Variants in TANGO6 observed in about 807,000 individuals in gnomAD.
TANGO6 encodes the protein transport and Golgi organization protein 6 homolog.
In TANGO6, 90 loss-of-function variants were observed where a neutral mutation model predicts 114.2. The ratio of observed to expected loss-of-function variants is 0.79; its 90% CI spans 0.66 to 0.94. The LOEUF (loss-of-function observed/expected upper bound fraction) is 0.94, where lower values mean the gene tolerates loss of function less well. Ranked by LOEUF, TANGO6 falls within the 40% of genes least tolerant of loss-of-function variation. The probability of loss-of-function intolerance (pLI) is 0.00; values close to 1 mark genes in which losing one functional copy is unlikely to be tolerated. For synonymous variants in TANGO6, 477 were observed against 509.8 expected (o/e 0.94, Z 0.87); for missense variants, 1,274 against 1,315.3 (o/e 0.97, Z 0.49).
intron 7 of TANGO6, among the ~76,000 whole-genome samples, chr16:68,882,297 C>G (rs1190769268): frequency 6.6e-6 from 1 of 151,884 alleles, no homozygotes; most frequent in Non-Finnish European, 1.5e-5. Flanking sequence ...GAGATTGAGA[C>G]CATCCTGGCT....
At chr16:68,858,066 T>C (rs1392639203) in intron 1 of TANGO6, among the ~76,000 whole-genome samples, 3 of 95,562 alleles carry the variant, frequency 3.1e-5, no homozygotes, top group Non-Finnish European at 7.1e-5. Context: ...TCTCGGAAGA[T>C]TTTTTTTTTT....
chr16:68,864,118 G>A (rs544824914), intron 3 of TANGO6, among the ~76,000 whole-genome samples: 60 of 151,616 alleles, frequency 4.0e-4, no homozygotes, highest in African/African-American at 1.3e-3. Context: ...AGGTTGCAGC[G>A]AGATGAGATC....
At chr16:69,036,377 C>T (rs530465297) in intron 16 of TANGO6, among the ~76,000 whole-genome samples, 2 of 152,226 alleles carry the variant, frequency 1.3e-5, no homozygotes, top group South Asian at 4.1e-4. Context: ...ATCCGTAAGA[C>T]CATATTAAAA....
At chr16:68,870,013 G>A (rs576095416) in intron 4 of TANGO6, among the ~76,000 whole-genome samples, 26 of 152,246 alleles carry the variant, frequency 1.7e-4, no homozygotes, top group Non-Finnish European at 3.5e-4. Flanking sequence ...AGGGAGATGC[G>A]AAACGATTAA....
chr16:69,022,698 T>C, intron 15 of TANGO6, 130 bp from the exon 16 acceptor site: 1 of 1,019,736 alleles, frequency 9.8e-7, no homozygotes, highest in Non-Finnish European at 1.4e-6. Flanking sequence ...AGCAAGACCC[T>C]GTCTCAAAAA....
At chr16:68,919,766 C>T (rs181472724) in intron 12 of TANGO6, among the ~76,000 whole-genome samples, 37 of 152,182 alleles carry the variant, frequency 2.4e-4, no homozygotes, top group African/African-American at 6.7e-4. Context: ...TGGCCGGGTG[C>T]GGTGGCTCAC....
intron 2 of TANGO6, among the ~76,000 whole-genome samples, chr16:68,861,752 G>T (rs768593371): frequency 6.6e-5 from 10 of 152,152 alleles, no homozygotes; most frequent in Non-Finnish European, 1.5e-4. Context: ...CCCACCAATA[G>T]CTGTGTTCTA....
At chr16:69,040,455 A>G in intron 17 of TANGO6, 34 bp downstream of exon 17, 1 of 1,512,876 alleles carries the variant, frequency 6.6e-7, no homozygotes, top group East Asian at 2.4e-5. Context: ...CAATTTCTCC[A>G]CCTCTTTTAT....
At chr16:68,955,419 AC>A (rs1031654395) in intron 14 of TANGO6, among the ~76,000 whole-genome samples, 1 of 152,214 alleles carries the variant, frequency 6.6e-6, no homozygotes, top group Non-Finnish European at 1.5e-5. Context: ...CAGGGGACAT[AC>A]AAGGAAAATG....
At chr16:68,946,440 C>T (rs1963415427) in intron 14 of TANGO6, among the ~76,000 whole-genome samples, 1 of 152,078 alleles carries the variant, frequency 6.6e-6, no homozygotes, top group South Asian at 2.1e-4. Flanking sequence ...GTGATCCGCC[C>T]ACCTCGGCCT....
At chr16:68,900,239 C>T in intron 7 of TANGO6, 195 bp from the exon 8 acceptor site, 1 of 578,384 alleles carries the variant, frequency 1.7e-6, no homozygotes, top group Non-Finnish European at 3.1e-6. Context: ...CTCCAGTTCA[C>T]TGTCTTGTTT....
At chr16:68,963,018 C>T (rs1413583699) in intron 14 of TANGO6, among the ~76,000 whole-genome samples, 1 of 147,194 alleles carries the variant, frequency 6.8e-6, no homozygotes, top group African/African-American at 2.5e-5. Flanking sequence ...GCCATGAACC[C>T]GGGAGGCAGA....
intron 15 of TANGO6, among the ~76,000 whole-genome samples, chr16:69,018,604 A>G (rs887129230): frequency 2.6e-5 from 4 of 151,144 alleles, no homozygotes; most frequent in African/African-American, 9.7e-5. Context: ...TTTCCTATGC[A>G]TTTGAATATT....
chr16:68,933,041 C>T (rs142606685), intron 14 of TANGO6, among the ~76,000 whole-genome samples: 2,812 of 152,284 alleles, frequency 0.018, 40 homozygotes, highest in Middle Eastern at 0.048. Flanking sequence ...ATTACGTCTA[C>T]TGTTGGATGA....
At chr16:68,938,816 A>G (rs938216168) in intron 14 of TANGO6, among the ~76,000 whole-genome samples, 4 of 152,078 alleles carry the variant, frequency 2.6e-5, no homozygotes, top group Admixed American at 1.3e-4. Flanking sequence ...ATCAAGTTCT[A>G]TCTTAACAGT....
At chr16:69,067,063 A>C (rs921035375) in intron 17 of TANGO6, among the ~76,000 whole-genome samples, 1 of 152,018 alleles carries the variant, frequency 6.6e-6, no homozygotes, top group Non-Finnish European at 1.5e-5. Flanking sequence ...TGCCCGACTA[A>C]TTCTATTATT....
chr16:68,872,542 TC>T (rs1962289197), intron 4 of TANGO6, among the ~76,000 whole-genome samples: 1 of 151,860 alleles, frequency 6.6e-6, no homozygotes, highest in African/African-American at 2.4e-5. Flanking sequence ...CCTCAGGTGA[TC>T]CGCCCGCCTT....
intron 17 of TANGO6, 124 bp downstream of exon 17, chr16:69,040,545 C>T (rs1302321038): frequency 4.0e-6 from 3 of 757,456 alleles, no homozygotes; most frequent in African/African-American, 1.8e-5. Context: ...ATGAATCCAT[C>T]AACAGGGATT....
At chr16:68,883,666 A>G (rs547352377) in intron 7 of TANGO6, among the ~76,000 whole-genome samples, 22 of 152,270 alleles carry the variant, frequency 1.4e-4, no homozygotes, top group African/African-American at 5.1e-4. Context: ...TCTCTTTGGT[A>G]TATACCTAGG....
Sources: gnomAD v4.1 joint callset for allele counts (sites outside exome capture counted in the v4.1 genomes callset) on GRCh38, gnomAD v4.1.1 for gene constraint, MANE v1.5 for transcripts, NCBI Gene and HGNC (gene_info 2026-07-23, HGNC 2026-07-21) for gene names.